The following SNPH variants were observed in gnomAD, a reference collection of about 807,000 sequenced individuals.
SNPH encodes syntaphilin.
In SNPH, 10 loss-of-function variants were observed where a neutral mutation model predicts 36.8. The observed-to-expected ratio is 0.27, with a 90% CI of 0.17 to 0.46. The LOEUF is 0.46. Among genes scored for constraint, SNPH ranks in the 20% least tolerant of loss-of-function variants. SNPH has a pLI of 1.00. For synonymous variants in SNPH, 281 were observed against 312.2 expected (o/e 0.90, Z 1.05); for missense variants, 622 against 744.0 (o/e 0.84, Z 1.91).
At position 1,266,324 on chromosome 20, in the gene SNPH, C is replaced by T. The variant is rs1054105816; in HGVS notation, c.-673C>T. ...CAGCCCCGGCGAGCACCCAGCTAGCCGCCTCCTGCAGGGGCTCGGGAGAGC... is the reference window on the plus strand; with the variant it reads ...CAGCCCCGGCGAGCACCCAGCTAGCTGCCTCCTGCAGGGGCTCGGGAGAGC... On this transcript the variant is annotated 5_prime_UTR_variant, in exon 1 of 7. Coordinates refer to ENST00000381867, the MANE Select transcript of SNPH (RefSeq NM_001318234.2). This position sits in a 1 kb window ranked among gnomAD's most constrained non-coding sequence, Gnocchi z 6.0. 8.7e-5 allele frequency: 19 copies of T among 219,454 alleles called. No individual in the cohort carries two copies. Among genetic ancestry groups the T allele is most frequent in the African/African-American group, 4.1e-4 (18 of 43,866 alleles). The allele number at this position is 219,454 out of a possible 1,614,324, so 13.6% of individuals were successfully genotyped here. A position where few individuals can be genotyped will look rare whatever the true frequency, so the allele number is the denominator to read the frequency against.
At position 1,269,550 on chromosome 20, in the gene SNPH, G is replaced by A. The variant is rs148500215; in HGVS notation, c.-493+2790G>A. On this transcript the variant is annotated intron_variant, in intron 2 of 6. Transcript: ENST00000381867. ...ATACCTTGCTGATGCTGTGAGCTGT[G>A]TGTGCACTTGCAGGTGGGAACAGGG... Among the ~76,000 whole-genome samples, 5 of 152,330 alleles carry A rather than the reference G, an allele frequency of 3.3e-5. No homozygotes were observed. In the East Asian group the frequency reaches 9.7e-4, roughly 29 times the overall value.
At chr20:1,300,764 A>G in intron 6 of SNPH, 53 bp downstream of exon 6, 12 of 1,543,310 alleles carry the variant, frequency 7.8e-6, no homozygotes, top group Non-Finnish European at 1.0e-5. Context: ...CTCCACACTC[A>G]GGGAAACCAG....
At chr20:1,296,814 T>C (rs2088441808) in intron 4 of SNPH, among the ~76,000 whole-genome samples, 1 of 152,206 alleles carries the variant, frequency 6.6e-6, no homozygotes, top group Non-Finnish European at 1.5e-5. Flanking sequence ...TCTCAGTCTA[T>C]GCAGGGATCT....
At chr20:1,279,619 T>G (rs943225414) in intron 2 of SNPH, among the ~76,000 whole-genome samples, 2 of 100,010 alleles carry the variant, frequency 2.0e-5, no homozygotes, top group Admixed American at 1.0e-4. Flanking sequence ...CTCCGGCTTC[T>G]TTTTTTTTTT....
Position 1,308,408 on chromosome 20 carries a change from C to G in SNPH, c.*2354C>G, listed in dbSNP as rs561284231. 6.5e-6 allele frequency: 1 copy of G among 152,784 alleles called. No homozygotes were observed. Among genetic ancestry groups the G allele is most frequent in the Non-Finnish European group, 1.5e-5 (1 of 68,486 alleles). The allele number at this position is 152,784 out of a possible 1,614,324, so 9.5% of individuals were successfully genotyped here. On this transcript the variant is annotated 3_prime_UTR_variant, in exon 7 of 7. Transcript: ENST00000381867. The stretch of plus-strand genomic sequence containing the variant: ...CTTTTCTTCTTGTCAGTGGAGGGAG[C>G]AGCTCCCCACTCAGCCCTGGGACAG...
intron 2 of SNPH, among the ~76,000 whole-genome samples, chr20:1,269,607 C>A (rs1276508345): frequency 6.6e-6 from 1 of 152,156 alleles, no homozygotes; most frequent in Non-Finnish European, 1.5e-5. Context: ...GAACAATTTA[C>A]GGTGAGAGAT....
chr20:1,295,925 G>T lies in SNPH; in HGVS notation c.-315G>T. 1 of 318,192 alleles carries T rather than the reference G, an allele frequency of 3.1e-6. No homozygotes were observed. 19.7% of individuals were successfully genotyped at this position (318,192 alleles called of 1,614,324 possible). A position where few individuals can be genotyped will look rare whatever the true frequency, so the allele number is the denominator to read the frequency against. On this transcript the variant is annotated 5_prime_UTR_variant, in exon 4 of 7. Coordinates refer to ENST00000381867, the MANE Select transcript of SNPH (RefSeq NM_001318234.2). ...GGACTGAACAGCAAGGGGGTGTGTG[G>T]GTCTGAGTATCAGGGTCCTGGGGAA...
In SNPH at chr20:1,285,818, C is replaced by T. The variant is rs373497482; in HGVS notation, c.-492-9133C>T. ...CGTTCTGAGATAGATAAAGGGTGGC[C>T]GGGTGCAGTGGCTCATGCCTGTAAT... is the stretch of plus-strand genomic sequence containing the variant. On this transcript the variant is annotated intron_variant, in intron 2 of 6. Transcript: ENST00000381867. The surrounding 1 kb of genome is among the most constrained non-coding windows in gnomAD (Gnocchi z 4.9). Among the ~76,000 whole-genome samples the T allele has an allele frequency of 2.2e-4, 33 of 152,234 alleles. No homozygotes were observed. Among genetic ancestry groups the T allele is most frequent in the East Asian group, 1.9e-3 (10 of 5,176 alleles).
intron 2 of SNPH, among the ~76,000 whole-genome samples, chr20:1,271,004 G>T (rs1164832626): frequency 6.6e-6 from 1 of 152,210 alleles, no homozygotes; most frequent in Non-Finnish European, 1.5e-5. Context: ...CAAGCCAAGG[G>T]CCATGGAGAG....
chr20:1,300,962 G>A (rs767743908), intron 6 of SNPH, among the ~76,000 whole-genome samples: 1 of 152,242 alleles, frequency 6.6e-6, no homozygotes, highest in Non-Finnish European at 1.5e-5. Flanking sequence ...GGCCTGTCCT[G>A]TGGGGCCTCC....
At chr20:1,299,778 G>A (rs186943089) in intron 5 of SNPH, among the ~76,000 whole-genome samples, 4 of 152,342 alleles carry the variant, frequency 2.6e-5, no homozygotes, top group East Asian at 3.9e-4. Flanking sequence ...GAGTACCTGC[G>A]AGGCACAAGT....
At position 1,306,232 on chromosome 20, in the gene SNPH, C is replaced by A; in HGVS notation, c.*178C>A. 1.9e-6 allele frequency: 1 copy of A among 525,988 alleles called. No individual in the cohort carries two copies. Among genetic ancestry groups the A allele is most frequent in the Non-Finnish European group, 3.0e-6 (1 of 328,512 alleles). 32.6% of individuals were successfully genotyped at this position (525,988 alleles called of 1,614,324 possible). On this transcript the variant is annotated 3_prime_UTR_variant, in exon 7 of 7. Transcript: ENST00000381867. ...AGGAGCAGGGGTTGGAGAAAGGCAT[C>A]CCAAAGCTTCGATGGAGAGCAGGGA...
rs569572702 is a variant in SNPH at position 1,295,857 on chromosome 20, T to A, written c.-383T>A. 7 of 198,026 alleles carry A rather than the reference T, an allele frequency of 3.5e-5. No individual in the cohort carries two copies. The highest frequency in any genetic ancestry group is 6.1e-5 in the Admixed American group (1 of 16,436). The allele number at this position is 198,026 out of a possible 1,614,324, so 12.3% of individuals were successfully genotyped here. A position where few individuals can be genotyped will look rare whatever the true frequency, so the allele number is the denominator to read the frequency against. On this transcript the variant is annotated 5_prime_UTR_variant, in exon 4 of 7. Transcript: ENST00000381867. ...CATCCTAATTTGGGGTTCCTGGTCC[T>A]GCTCCAGGAGTCCTACAGCCTGCAG... is the stretch of plus-strand genomic sequence containing the variant.
chr20:1,299,685 G>A (rs983090621), intron 5 of SNPH, among the ~76,000 whole-genome samples: 2 of 152,334 alleles, frequency 1.3e-5, no homozygotes, highest in African/African-American at 2.4e-5. Context: ...GCCCAGAGCC[G>A]GCAGGTGTTC....
At chr20:1,283,877 G>T (rs1298137078) in intron 2 of SNPH, among the ~76,000 whole-genome samples, 1 of 152,138 alleles carries the variant, frequency 6.6e-6, no homozygotes, top group East Asian at 1.9e-4. Context: ...GGACCCCCAG[G>T]CTCGCCTTTG....
At chr20:1,269,933 C>T (rs2088052373) in intron 2 of SNPH, among the ~76,000 whole-genome samples, 1 of 152,206 alleles carries the variant, frequency 6.6e-6, no homozygotes, top group Non-Finnish European at 1.5e-5. Flanking sequence ...GGGTCTTACC[C>T]AGAGTCGTAC....
chr20:1,271,824 G>GT (rs996582181), intron 2 of SNPH, among the ~76,000 whole-genome samples: 28 of 152,234 alleles, frequency 1.8e-4, no homozygotes, highest in African/African-American at 4.6e-4. Flanking sequence ...ATGAGTTTTT[G>GT]TTTTTTTGTT....
At chr20:1,278,350 A>C (rs1333840490) in intron 2 of SNPH, among the ~76,000 whole-genome samples, 1 of 150,638 alleles carries the variant, frequency 6.6e-6, no homozygotes, top group African/African-American at 2.4e-5. Context: ...TCTTTCCTCC[A>C]CTCTTTCCCA....
In SNPH at chr20:1,304,837, C is replaced by T; in HGVS notation, c.441-41C>T. The T allele has an allele frequency of 6.4e-7, 1 of 1,573,950 alleles. No individual in the cohort carries two copies. Among genetic ancestry groups the T allele is most frequent in the Non-Finnish European group, 8.7e-7 (1 of 1,152,364 alleles). On this transcript the variant is annotated intron_variant, in intron 6 of 6. Coordinates refer to ENST00000381867, the MANE Select transcript of SNPH (RefSeq NM_001318234.2). The surrounding 1 kb of genome is among the most constrained non-coding windows in gnomAD (Gnocchi z 4.3). ...CTCTCCTTGGCGGTGACAGACCAGG[C>T]AGGCAGGCAGTGAGCGTGTGTGTGT...
Sources: gnomAD v4.1 joint callset for allele counts (sites outside exome capture counted in the v4.1 genomes callset) on GRCh38, gnomAD v4.1.1 for gene constraint, Gnocchi (gnomAD v3.1) non-coding constraint, MANE v1.5 for transcripts, NCBI Gene and HGNC (gene_info 2026-07-23, HGNC 2026-07-21) for gene names.